ACVR1B: variants seen among roughly 807,000 people sequenced by gnomAD.
ACVR1B encodes the protein activin receptor type-1B.
ACVR1B carries 15 observed loss-of-function variants against 55.6 expected under a neutral mutation model. The ratio of observed to expected loss-of-function variants is 0.27; its 90% confidence interval spans 0.18 to 0.42. ACVR1B has a LOEUF of 0.42. Among genes scored for constraint, ACVR1B ranks in the 10% least tolerant of loss-of-function variants. The pLI is 1.00. For missense variants in ACVR1B, 359 were observed against 670.1 expected (o/e 0.54, Z 5.13); for synonymous variants, 247 against 254.6 (o/e 0.97, Z 0.28).
At chr12:51,985,764 A>C (rs1157664629) in intron 6 of ACVR1B, among the ~76,000 whole-genome samples, 1 of 152,172 alleles carries the variant, frequency 6.6e-6, no homozygotes, top group Admixed American at 6.5e-5. Context: ...ACTATAGCAA[A>C]GGTAACCCAG....
At chr12:51,956,156 AG>A (rs2120426372) in intron 1 of ACVR1B, among the ~76,000 whole-genome samples, 1 of 152,278 alleles carries the variant, frequency 6.6e-6, no homozygotes, top group Non-Finnish European at 1.5e-5. Context: ...TCTGCTCTCT[AG>A]GGTTCAGAGA....
In ACVR1B at chr12:51,951,721, CGG is replaced by C. The variant is rs1941297542; in HGVS notation, c.-22_-21del. 8.4e-7 allele frequency: 1 copy of C among 1,189,956 alleles called. No homozygotes were observed. The highest frequency in any genetic ancestry group is 3.5e-5 in the East Asian group (1 of 28,480). 73.7% of individuals were successfully genotyped at this position (1,189,956 alleles called of 1,614,324 possible). On this transcript the variant is annotated 5_prime_UTR_variant, in exon 1 of 9. Transcript: ENST00000257963. ...GCTGGGCGCTGCTGGGCTGCGGCGG[CGG>C]CGGCGGCGGCGGTGGTTACTATGGC...
intron 1 of ACVR1B, among the ~76,000 whole-genome samples, chr12:51,970,972 C>A (rs530606970): frequency 6.6e-6 from 1 of 152,240 alleles, no homozygotes; most frequent in Non-Finnish European, 1.5e-5. Flanking sequence ...GTGCCTCTTC[C>A]CTTTCACAGG....
rs565228628 is a variant in ACVR1B, at chr12:51,979,355, T to C, written c.581-1614T>C. Among the ~76,000 whole-genome samples the C allele has an allele frequency of 5.3e-5, 8 of 150,130 alleles. No homozygotes were observed. The East Asian group carries it at 1.4e-3, about 26-fold the overall frequency. ...GGTGGCGGGCACCTGTAATCCCAGC[T>C]ACTCAGAAGGCTGAGGCAGGAGAAT... On this transcript the variant is annotated intron_variant, in intron 3 of 8. Transcript: ENST00000257963.
chr12:51,986,383 C>T (rs1024864500), intron 6 of ACVR1B, among the ~76,000 whole-genome samples: 7 of 152,292 alleles, frequency 4.6e-5, no homozygotes, highest in South Asian at 4.1e-4. Context: ...CTCAGCCTCC[C>T]GAGTAGCTGG....
chr12:51,983,658 A>C (rs1942024465), intron 4 of ACVR1B, among the ~76,000 whole-genome samples: 1 of 152,190 alleles, frequency 6.6e-6, no homozygotes, highest in Admixed American at 6.5e-5. Flanking sequence ...CTGCACACAA[A>C]GCTGGTGATA....
At chr12:51,988,611 C>T (rs1942125739) in intron 7 of ACVR1B, among the ~76,000 whole-genome samples, 2 of 152,186 alleles carry the variant, frequency 1.3e-5, no homozygotes, top group Non-Finnish European at 2.9e-5. Context: ...TGTATAAGCT[C>T]ATTTAATCTT....
intron 4 of ACVR1B, among the ~76,000 whole-genome samples, chr12:51,983,577 G>A (rs1399157430): frequency 6.6e-6 from 1 of 152,202 alleles, no homozygotes; most frequent in Non-Finnish European, 1.5e-5. Context: ...TTCCTGTTTG[G>A]TGGTGGTAGA....
At chr12:51,984,568 A>AG (rs938136385) in intron 5 of ACVR1B, among the ~76,000 whole-genome samples, 1 of 152,226 alleles carries the variant, frequency 6.6e-6, no homozygotes, top group Non-Finnish European at 1.5e-5. Flanking sequence ...GCTGGCTTAA[A>AG]GGCCACTTGG....
At chr12:51,983,268 C>T (rs77938859) in intron 4 of ACVR1B, among the ~76,000 whole-genome samples, 1 of 152,202 alleles carries the variant, frequency 6.6e-6, no homozygotes, top group African/African-American at 2.4e-5. Flanking sequence ...TCCTCCTGCT[C>T]TCCTCCTTCC....
At chr12:51,972,061 A>G (rs1941755112) in intron 1 of ACVR1B, among the ~76,000 whole-genome samples, 1 of 152,138 alleles carries the variant, frequency 6.6e-6, no homozygotes, top group South Asian at 2.1e-4. Context: ...TAGGTTTTAC[A>G]TTGAGGGGGG....
At chr12:51,985,991 CAT>C (rs1211532956) in intron 6 of ACVR1B, among the ~76,000 whole-genome samples, 2 of 152,126 alleles carry the variant, frequency 1.3e-5, no homozygotes, top group African/African-American at 4.8e-5. Context: ...TGGCTGGAAT[CAT>C]AGTAATTACT....
intron 1 of ACVR1B, among the ~76,000 whole-genome samples, chr12:51,958,022 A>G (rs978760013): frequency 1.3e-5 from 2 of 152,188 alleles, no homozygotes; most frequent in Admixed American, 6.5e-5. Context: ...TCAGTTGGGA[A>G]TGCATGTGGT....
At chr12:51,972,433 C>T (rs1481345361) in intron 1 of ACVR1B, among the ~76,000 whole-genome samples, 1 of 152,078 alleles carries the variant, frequency 6.6e-6, no homozygotes, top group African/African-American at 2.4e-5. Flanking sequence ...TTACAGTTGC[C>T]TACAGTATTC....
In ACVR1B at chr12:51,987,128, G is replaced by T. The variant is rs1942095003; in HGVS notation, c.1261+186G>T. 3 of 799,038 alleles carry T rather than the reference G, an allele frequency of 3.8e-6. No individual in the cohort carries two copies. In the East Asian group the frequency reaches 7.9e-5, roughly 21 times the overall value. The allele number at this position is 799,038 out of a possible 1,614,324, so 49.5% of individuals were successfully genotyped here. A position where few individuals can be genotyped will look rare whatever the true frequency, so the allele number is the denominator to read the frequency against. ...GCTTAGGGTGCGTTTATTCTTCAGG[G>T]ATCAGTTTGTTGAATAGCGTTGTGT... On this transcript the variant is annotated intron_variant, in intron 7 of 8. Transcript: ENST00000257963.
At chr12:51,957,620 G>T (rs1175995637) in intron 1 of ACVR1B, among the ~76,000 whole-genome samples, 2 of 152,032 alleles carry the variant, frequency 1.3e-5, no homozygotes, top group African/African-American at 4.8e-5. Context: ...GCCCAGGCTG[G>T]TCTCAAATTC....
chr12:51,966,609 T>C (rs1941644936), intron 1 of ACVR1B, among the ~76,000 whole-genome samples: 1 of 152,054 alleles, frequency 6.6e-6, no homozygotes, highest in Admixed American at 6.6e-5. Flanking sequence ...CCACCACACC[T>C]AGCTGATATG....
At chr12:51,982,619 A>G in intron 4 of ACVR1B, 1 of 1,429,680 alleles carries the variant, frequency 7.0e-7, no homozygotes, top group Non-Finnish European at 9.2e-7. Context: ...GGCATGGTGC[A>G]ATTTAGAAGT....
At position 51,976,346 on chromosome 12, in the gene ACVR1B, G is replaced by A. The variant is rs1941854745; in HGVS notation, c.351G>A (p.Glu117=). The stretch of plus-strand genomic sequence containing the variant: ...ACTCAGGTCACCTCAAGGAGCCTGA[G>A]CACCCGTCCATGTGGGGCCCGGTGG... The part of the protein sequence containing the change: ...RVPSGHLKEP[E]HPSMWGPVEL... Residue 117 remains glutamate (E), a synonymous_variant, in exon 3 of 9, where the codon GAG becomes GAA. Coordinates refer to ENST00000257963, the MANE Select transcript of ACVR1B (RefSeq NM_004302.5). 1 of 1,614,040 alleles carries A rather than the reference G, an allele frequency of 6.2e-7. No individual in the cohort carries two copies. Among genetic ancestry groups the A allele is most frequent in the Non-Finnish European group, 8.5e-7 (1 of 1,180,032 alleles).
Sources: gnomAD v4.1 joint callset for allele counts (sites outside exome capture counted in the v4.1 genomes callset) on GRCh38, gnomAD v4.1.1 for gene constraint, MANE v1.5 for transcripts, NCBI Gene and HGNC (gene_info 2026-07-23, HGNC 2026-07-21) for gene names.